The following TENM2 variants were observed in gnomAD, a reference collection of about 807,000 sequenced individuals.
The protein encoded by TENM2 is teneurin transmembrane protein 2, also known as teneurin-2.
A neutral mutation model predicts 245.2 loss-of-function variants in TENM2; 52 were observed. The observed-to-expected ratio is 0.21, with a 90% CI of 0.17 to 0.27. The LOEUF (loss-of-function observed/expected upper bound fraction) is 0.27. Ranked by LOEUF, TENM2 falls within the 10% of genes least tolerant of loss-of-function variation. The probability of loss-of-function intolerance (pLI) is 1.00; values close to 1 mark genes in which losing one functional copy is unlikely to be tolerated. For synonymous variants in TENM2, 1,363 were observed against 1,438.9 expected (o/e 0.95, Z 1.19); for missense variants, 3,046 against 3,666.8 (o/e 0.83, Z 4.37).
chr5:167,375,495 C>T (rs749639697), intron 2 of TENM2, 22 bp downstream of exon 4: 2 of 1,550,258 alleles, frequency 1.3e-6, no homozygotes, highest in East Asian at 2.4e-5. Flanking sequence ...TCTTAAATAC[C>T]TTTTAACGTT....
At chr5:168,081,210 T>G (rs138381023) in intron 7 of TENM2, among the ~76,000 whole-genome samples, 3,567 of 152,280 alleles carry the variant, frequency 0.023, 131 homozygotes, top group African/African-American at 0.079. Context: ...TCTTTTGATC[T>G]TTGTTGGTTT....
At chr5:168,028,404 C>T (rs573327480) in intron 5 of TENM2, among the ~76,000 whole-genome samples, 1 of 152,158 alleles carries the variant, frequency 6.6e-6, no homozygotes, top group South Asian at 2.1e-4. Flanking sequence ...AGAGACCCAT[C>T]CCAGCGTGAC....
At chr5:167,418,057 C>T (rs1763261183) in intron 2 of TENM2, among the ~76,000 whole-genome samples, 2 of 152,280 alleles carry the variant, frequency 1.3e-5, no homozygotes, top group African/African-American at 4.8e-5. Context: ...GAGCTGGGCA[C>T]GGTGGCTCAC....
At chr5:167,867,343 A>G (rs1772408969) in intron 2 of TENM2, among the ~76,000 whole-genome samples, 1 of 152,246 alleles carries the variant, frequency 6.6e-6, no homozygotes, top group East Asian at 1.9e-4. Flanking sequence ...GATGTGATAT[A>G]TAAATATGCA....
rs778322085 is a variant in TENM2, at chr5:168,218,759, A to G, written c.4868A>G (p.Asn1623Ser). Residue 1623 changes from asparagine to serine, a missense_variant, in exon 23 of 29, where the codon AAT becomes AGT. Physicochemically the swap from Asn to Ser is conservative, Grantham distance 46 (BLOSUM62 1). Around this residue, in one of 2 missense-constraint regions of TENM2, gnomAD observed 2,704 missense variants for 3,331.9 expected, o/e 0.81. Transcript: ENST00000518659. The surrounding 1 kb of genome is among the most constrained non-coding windows in gnomAD (Gnocchi z 5.2). ...TACAATTTCACATATAGTACTGACAATGATGTCACTGAATTGATTGACAAT... is the reference window on the plus strand; with the variant it reads ...TACAATTTCACATATAGTACTGACAGTGATGTCACTGAATTGATTGACAAT... The G allele has an allele frequency of 1.6e-5, 26 of 1,613,890 alleles. No homozygotes were observed. The highest frequency in any genetic ancestry group is 1.2e-4 in the Admixed American group (7 of 60,008).
intron 2 of TENM2, among the ~76,000 whole-genome samples, chr5:167,832,241 C>T (rs1768566169): frequency 6.6e-6 from 1 of 152,218 alleles, no homozygotes; most frequent in African/African-American, 2.4e-5. Context: ...GCGTGGATTA[C>T]ATGCTTTTAA....
intron 2 of TENM2, among the ~76,000 whole-genome samples, chr5:167,475,323 T>C (rs1263348800): frequency 6.6e-6 from 1 of 152,258 alleles, no homozygotes; most frequent in East Asian, 1.9e-4. Context: ...CAAAGAAGTA[T>C]TGTTTATGTA....
At position 167,754,380 on chromosome 5, in the gene TENM2, T is replaced by C. The variant is rs185675294; in HGVS notation, c.503-121606T>C. On this transcript the variant is annotated intron_variant, in intron 2 of 28. Coordinates refer to ENST00000518659, the Ensembl canonical transcript of TENM2. ...CATTTCACATACAGGTGCTTTAAAA[T>C]AATTTCACAACAGGTAGTTAAAATG... Among the ~76,000 whole-genome samples the C allele has an allele frequency of 1.7e-3, 255 of 152,308 alleles. 3 individuals carry two copies. Among genetic ancestry groups the C allele is most frequent in the African/African-American group, 5.8e-3 (240 of 41,570 alleles).
chr5:168,027,244 T>A (rs1402293336), intron 5 of TENM2, among the ~76,000 whole-genome samples: 2 of 152,028 alleles, frequency 1.3e-5, no homozygotes, highest in Non-Finnish European at 2.9e-5. Flanking sequence ...ACTCTGAAGG[T>A]CAACTCTGAG....
chr5:168,095,991 G>A (rs578054333), intron 8 of TENM2, among the ~76,000 whole-genome samples: 16 of 152,300 alleles, frequency 1.1e-4, no homozygotes, highest in Middle Eastern at 6.8e-3. Flanking sequence ...TGCACTGCAG[G>A]AGAAAAATCC....
intron 25 of TENM2, among the ~76,000 whole-genome samples, chr5:168,240,244 C>G (rs529982294): frequency 4.9e-4 from 75 of 152,192 alleles, no homozygotes; most frequent in African/African-American, 1.8e-3. Context: ...CAACAAGACC[C>G]AAACCCCTAT....
chr5:167,667,309 A>G (rs961668691), intron 2 of TENM2, among the ~76,000 whole-genome samples: 9 of 152,170 alleles, frequency 5.9e-5, no homozygotes, highest in Admixed American at 1.3e-4. Flanking sequence ...ATTAGGCTTC[A>G]TCTTCAAGCA....
intron 2 of TENM2, among the ~76,000 whole-genome samples, chr5:167,536,041 A>G (rs908177948): frequency 2.0e-5 from 3 of 152,106 alleles, no homozygotes; most frequent in African/African-American, 7.2e-5. Flanking sequence ...GTGTGAAGAT[A>G]CTCTATAGGC....
At chr5:168,001,977 A>T (rs1784445171) in intron 5 of TENM2, among the ~76,000 whole-genome samples, 1 of 152,248 alleles carries the variant, frequency 6.6e-6, no homozygotes, top group Non-Finnish European at 1.5e-5. Flanking sequence ...CTGTATCAGA[A>T]AATATAACAG....
chr5:167,068,131 G>T, the TENM2 span, among the ~76,000 whole-genome samples: 13 of 152,132 alleles, frequency 8.5e-5, no homozygotes, highest in African/African-American at 2.7e-4. Context: ...TAGGCTGCTC[G>T]AATTTAACAG....
At chr5:168,140,919 G>A (rs1755489013) in intron 12 of TENM2, among the ~76,000 whole-genome samples, 1 of 152,082 alleles carries the variant, frequency 6.6e-6, no homozygotes, top group African/African-American at 2.4e-5. Context: ...TGGAGGCCAG[G>A]GACAAGAATC....
intron 1 of TENM2, among the ~76,000 whole-genome samples, chr5:167,370,990 A>G (rs1209403038): frequency 6.6e-6 from 1 of 152,260 alleles, no homozygotes; most frequent in Admixed American, 6.5e-5. Flanking sequence ...CAAAACAGTA[A>G]GTTGAGCTAG....
chr5:168,131,347 C>A (rs1260636709), intron 12 of TENM2, among the ~76,000 whole-genome samples: 4 of 152,200 alleles, frequency 2.6e-5, no homozygotes, highest in African/African-American at 9.6e-5. Flanking sequence ...CCGATTTCAT[C>A]TCAGAATCAT....
intron 13 of TENM2, among the ~76,000 whole-genome samples, chr5:168,171,586 A>T (rs752723657): frequency 1.8e-4 from 27 of 152,226 alleles, no homozygotes; most frequent in African/African-American, 3.6e-4. Flanking sequence ...GTTCTTTTTT[A>T]AAAAAAGGGG....
Sources: gnomAD v4.1 joint callset for allele counts (sites outside exome capture counted in the v4.1 genomes callset) on GRCh38, gnomAD v4.1.1 for gene constraint, gnomAD v4.1.1 regional missense constraint, Gnocchi (gnomAD v3.1) non-coding constraint, MANE v1.5 for transcripts, NCBI Gene and HGNC (gene_info 2026-07-23, HGNC 2026-07-21) for gene names.